SLC25A14: variants seen among roughly 807,000 people sequenced by gnomAD.
SLC25A14 encodes solute carrier family 25 member 14.
SLC25A14 carries 8 observed loss-of-function variants against 28.1 expected under a neutral mutation model. The ratio of observed to expected loss-of-function variants is 0.28; its 90% CI spans 0.17 to 0.51. The LOEUF is 0.51. SLC25A14 is among the 20% of genes least tolerant of loss of function. The pLI is 0.97. For missense variants in SLC25A14, 135 were observed against 263.8 expected, an observed-to-expected ratio of 0.51 and a Z score of 3.38; for synonymous variants, 74 against 90.6, an observed-to-expected ratio of 0.82 and a Z score of 1.04.
chrX:130,359,352 CAAA>C (rs55826694), intron 7 of SLC25A14, among the ~76,000 whole-genome samples: 1 of 26,235 alleles, frequency 3.8e-5, no homozygotes, highest in Admixed American at 4.7e-4. Context: ...GACTCTGTCT[CAAA>C]AAAAAAAAAA....
chrX:130,342,691 G>A (rs1461482435), intron 2 of SLC25A14, among the ~76,000 whole-genome samples: 2 of 110,328 alleles, frequency 1.8e-5, no homozygotes, highest in Non-Finnish European at 3.8e-5. Context: ...TAGGGAAGTC[G>A]TGATTGTGGC....
chrX:130,349,404 A>T, intron 5 of SLC25A14, 59 bp downstream of exon 5: 1 of 764,634 alleles, frequency 1.3e-6, no homozygotes, highest in South Asian at 2.6e-5. Flanking sequence ...AATCATGCTT[A>T]GTGAGAAATG....
intron 6 of SLC25A14, among the ~76,000 whole-genome samples, chrX:130,354,815 A>G (rs1342426656): frequency 8.9e-6 from 1 of 111,970 alleles, no homozygotes; most frequent in African/African-American, 3.3e-5. Flanking sequence ...AGCCTAATAT[A>G]TTTACTGTCT....
intron 2 of SLC25A14, among the ~76,000 whole-genome samples, chrX:130,343,661 T>C (rs1356478896): frequency 9.0e-6 from 1 of 110,536 alleles, no homozygotes; most frequent in African/African-American, 3.3e-5. Flanking sequence ...CTGTGACTCA[T>C]AGCTGCTAAC....
intron 2 of SLC25A14, among the ~76,000 whole-genome samples, chrX:130,342,668 T>C (rs2124742806): frequency 9.0e-6 from 1 of 110,705 alleles, no homozygotes; most frequent in East Asian, 2.8e-4. Context: ...GAGATTTTAC[T>C]ATCAGATGGG....
chrX:130,344,103 G>C (rs1255307515), intron 2 of SLC25A14, among the ~76,000 whole-genome samples: 1 of 112,520 alleles, frequency 8.9e-6, no homozygotes, highest in African/African-American at 3.2e-5. Context: ...AAATCTGAGA[G>C]TCCATGCTAA....
intron 2 of SLC25A14, among the ~76,000 whole-genome samples, chrX:130,341,460 A>G (rs2033256959): frequency 8.9e-6 from 1 of 112,153 alleles, no homozygotes; most frequent in African/African-American, 3.2e-5. Flanking sequence ...GGCATTTAGC[A>G]TGCCTTCAAT....
At chrX:130,360,260 A>T (rs755013428) in intron 7 of SLC25A14, among the ~76,000 whole-genome samples, 1 of 110,172 alleles carries the variant, frequency 9.1e-6, no homozygotes, top group African/African-American at 3.3e-5. Context: ...AAATATCTTT[A>T]TATTTACAGT....
intron 6 of SLC25A14, 80 bp downstream of exon 6, chrX:130,350,811 C>T: frequency 3.6e-6 from 2 of 550,044 alleles, no homozygotes; most frequent in Non-Finnish European, 6.0e-6. Context: ...TGTCACTTGC[C>T]AGCTGTAGAA....
intron 3 of SLC25A14, among the ~76,000 whole-genome samples, 166 bp from the exon 4 acceptor site, chrX:130,346,378 C>T (rs756065824): frequency 7.1e-5 from 8 of 111,936 alleles, no homozygotes; most frequent in Non-Finnish European, 1.3e-4. Context: ...ATTTCACTTA[C>T]CACATGCAAC....
At chrX:130,370,778 G>A (rs1395723700) in intron 9 of SLC25A14, among the ~76,000 whole-genome samples, 1 of 111,993 alleles carries the variant, frequency 8.9e-6, no homozygotes, top group African/African-American at 3.2e-5. Context: ...GTATTTGTCA[G>A]CCCCACTAGA....
chrX:130,362,277 T>C (rs148587483), intron 7 of SLC25A14, among the ~76,000 whole-genome samples: 1 of 109,017 alleles, frequency 9.2e-6, no homozygotes, highest in Non-Finnish European at 1.9e-5. Flanking sequence ...GCTGGGATTA[T>C]TATTATTATT....
intron 1 of SLC25A14, 52 bp downstream of exon 1, chrX:130,340,028 C>T (rs777936731): frequency 1.0e-6 from 1 of 986,844 alleles, no homozygotes; most frequent in South Asian, 3.0e-5. Flanking sequence ...TGGGCCGCGC[C>T]AGGCCGCGCG....
intron 6 of SLC25A14, among the ~76,000 whole-genome samples, chrX:130,355,603 T>A (rs1410946883): frequency 8.9e-6 from 1 of 112,200 alleles, no homozygotes; most frequent in South Asian, 3.7e-4. Flanking sequence ...ATGGTGCTAT[T>A]GTTACATTTA....
intron 9 of SLC25A14, among the ~76,000 whole-genome samples, chrX:130,369,872 A>C (rs1362330773): frequency 8.9e-6 from 1 of 112,249 alleles, no homozygotes. Flanking sequence ...AATTAGAATG[A>C]AATCCACCAG....
At chrX:130,372,032 G>C (rs2034274152) in intron 10 of SLC25A14, among the ~76,000 whole-genome samples, 1 of 111,887 alleles carries the variant, frequency 8.9e-6, no homozygotes, top group Non-Finnish European at 1.9e-5. Flanking sequence ...ACATTCATGG[G>C]GTGAAGGAAT....
chrX:130,356,492 G>A (rs750012221), intron 6 of SLC25A14, among the ~76,000 whole-genome samples: 2 of 111,064 alleles, frequency 1.8e-5, no homozygotes, highest in Non-Finnish European at 3.8e-5. Context: ...GCCTCCCAAA[G>A]TGCTGGGATT....
chrX:130,341,208 T>C (rs1603254149), intron 2 of SLC25A14, among the ~76,000 whole-genome samples: 1 of 112,460 alleles, frequency 8.9e-6, no homozygotes, highest in East Asian at 2.8e-4. Flanking sequence ...TCTATGCTCC[T>C]CTTGCTCTTA....
At chrX:130,369,289 TA>T (rs1327341353) in intron 9 of SLC25A14, among the ~76,000 whole-genome samples, 20 of 104,568 alleles carry the variant, frequency 1.9e-4, no homozygotes, top group South Asian at 4.1e-4. Context: ...GTTTCTTAAT[TA>T]AAAAAAAAAA....
Sources: gnomAD v4.1 joint callset for allele counts (sites outside exome capture counted in the v4.1 genomes callset) on GRCh38, gnomAD v4.1.1 for gene constraint, MANE v1.5 for transcripts, NCBI Gene and HGNC (gene_info 2026-07-23, HGNC 2026-07-21) for gene names.